KAZN: variants seen among roughly 807,000 people sequenced by gnomAD.
KAZN encodes the protein kazrin, periplakin interacting protein, also known as kazrin.
KAZN carries 40 observed loss-of-function variants against 87.4 expected under a neutral mutation model. That is an observed-to-expected ratio of 0.46 (90% CI 0.36 to 0.60). The LOEUF is 0.60. KAZN is among the 20% of genes least tolerant of loss of function. The pLI is 0.00. For missense variants in KAZN, 898 were observed against 1,073.9 expected (o/e 0.84, Z 2.29); for synonymous variants, 466 against 458.3 (o/e 1.02, Z -0.22).
chr1:15,046,569 T>C (rs1222222957), intron 4 of KAZN, among the ~76,000 whole-genome samples: 1 of 151,950 alleles, frequency 6.6e-6, no homozygotes, highest in Non-Finnish European at 1.5e-5. Flanking sequence ...TTCCAAGAAA[T>C]AAAGCAGGAG....
At chr1:14,565,597 C>T (rs1343947961) in intron 2 of KAZN, among the ~76,000 whole-genome samples, 1 of 152,218 alleles carries the variant, frequency 6.6e-6, no homozygotes, top group Non-Finnish European at 1.5e-5. Flanking sequence ...GCATGCAATG[C>T]TGTTTGCATT....
intron 2 of KAZN, among the ~76,000 whole-genome samples, chr1:14,339,493 G>C (rs968506244): frequency 1.3e-5 from 2 of 152,154 alleles, no homozygotes; most frequent in Admixed American, 1.3e-4. Flanking sequence ...CTTGATGACA[G>C]GGGCTGACAA....
intron 2 of KAZN, among the ~76,000 whole-genome samples, chr1:14,554,916 A>C (rs1465776897): frequency 6.6e-6 from 1 of 152,228 alleles, no homozygotes; most frequent in East Asian, 1.9e-4. Context: ...CTTCTTCAAA[A>C]CACATTTGAT....
intron 1 of KAZN, 44 bp from the exon 2 acceptor site, chr1:14,960,640 G>T: frequency 6.5e-7 from 1 of 1,534,264 alleles, no homozygotes; most frequent in Non-Finnish European, 8.8e-7. Flanking sequence ...CGAGTGAGCG[G>T]CAGAGACGTT....
At chr1:14,473,946 C>T (rs1223942942) in intron 2 of KAZN, among the ~76,000 whole-genome samples, 6 of 152,192 alleles carry the variant, frequency 3.9e-5, no homozygotes, top group African/African-American at 1.4e-4. Flanking sequence ...TCTGAAGTTG[C>T]ACCCTCTTGC....
intron 2 of KAZN, among the ~76,000 whole-genome samples, chr1:14,442,551 T>C (rs981676925): frequency 6.6e-6 from 1 of 152,174 alleles, no homozygotes; most frequent in Non-Finnish European, 1.5e-5. Context: ...AGTAGCTCTG[T>C]GGGGACTCAG....
At chr1:14,030,067 G>C (rs1178710019) in intron 1 of KAZN, among the ~76,000 whole-genome samples, 1 of 151,922 alleles carries the variant, frequency 6.6e-6, no homozygotes, top group Non-Finnish European at 1.5e-5. Context: ...ACCTTGGGCA[G>C]TATGGCCATT....
chr1:14,433,935 C>T (rs1317712420), intron 2 of KAZN, among the ~76,000 whole-genome samples: 1 of 152,224 alleles, frequency 6.6e-6, no homozygotes. Context: ...GGAATGGCCA[C>T]GTGAGGACAC....
intron 2 of KAZN, among the ~76,000 whole-genome samples, chr1:14,540,493 G>A (rs1672745228): frequency 6.6e-6 from 1 of 152,184 alleles, no homozygotes; most frequent in Admixed American, 6.5e-5. Flanking sequence ...CAACCATGGT[G>A]AACAAGAAAA....
At chr1:14,975,924 T>C (rs1043899471) in intron 2 of KAZN, among the ~76,000 whole-genome samples, 2 of 148,756 alleles carry the variant, frequency 1.3e-5, no homozygotes, top group African/African-American at 2.5e-5. Flanking sequence ...CCCAGCTACT[T>C]GGGAGGCTGA....
chr1:13,935,238 A>T lies in KAZN; in HGVS notation c.91+41482A>T, dbSNP rs1319543192. On this transcript the variant is annotated intron_variant, in intron 1 of 16. Transcript: ENST00000636203. Reference sequence around the variant, plus strand: ...GGCAGCAAGAGCGAAACTCCGTATCAAATAGTAGTAGTAGTAATAATAATA... The same window carrying T: ...GGCAGCAAGAGCGAAACTCCGTATCTAATAGTAGTAGTAGTAATAATAATA... Among the ~76,000 whole-genome samples the T allele has an allele frequency of 8.6e-5, 4 of 46,356 alleles. No homozygotes were observed. In the Admixed American group the frequency reaches 8.7e-4, roughly 10 times the overall value. 30.4% of individuals were successfully genotyped at this position (46,356 alleles called of 152,430 possible).
chr1:14,736,303 ATT>A (rs1211603234), intron 1 of KAZN, among the ~76,000 whole-genome samples: 3,594 of 114,774 alleles, frequency 0.031, 163 homozygotes, highest in African/African-American at 0.11. Context: ...GTGTGTGTAT[ATT>A]TTTTTTTTTT....
intron 1 of KAZN, among the ~76,000 whole-genome samples, chr1:13,912,141 A>C (rs1354189984): frequency 6.6e-6 from 1 of 152,206 alleles, no homozygotes; most frequent in Admixed American, 6.5e-5. Flanking sequence ...TCACGATCAA[A>C]GGCAGCTTCC....
At chr1:15,083,233 C>T (rs982280721) in intron 8 of KAZN, among the ~76,000 whole-genome samples, 7 of 152,184 alleles carry the variant, frequency 4.6e-5, no homozygotes, top group African/African-American at 1.7e-4. Flanking sequence ...GCCTGTGCAG[C>T]CCCTTTTAGT....
chr1:14,212,960 A>G (rs928185041), intron 2 of KAZN, among the ~76,000 whole-genome samples: 6 of 152,218 alleles, frequency 3.9e-5, no homozygotes, highest in Non-Finnish European at 8.8e-5. Flanking sequence ...GATTTCTTTA[A>G]TTAATAAATC....
intron 10 of KAZN, among the ~76,000 whole-genome samples, chr1:15,095,193 A>G (rs1197657757): frequency 6.6e-6 from 1 of 152,156 alleles, no homozygotes; most frequent in African/African-American, 2.4e-5. Flanking sequence ...ACCCCCAACC[A>G]ATGCGGGAAC....
chr1:15,103,510 C>CATGCAAATCTAT, intron 12 of KAZN, 50 bp downstream of exon 12: 2 of 1,196,836 alleles, frequency 1.7e-6, no homozygotes. Context: ...ACACAAACCC[C>CATGCAAATCTAT]ATGCAAATCT....
intron 2 of KAZN, among the ~76,000 whole-genome samples, chr1:14,545,076 T>C (rs751052144): frequency 1.0e-3 from 155 of 152,350 alleles, no homozygotes; most frequent in Non-Finnish European, 1.0e-3. Context: ...TAAACATTGA[T>C]ATCAGACATT....
chr1:14,662,964 C>CATATATATATATATATATATATATAT (rs141562526), intron 1 of KAZN, among the ~76,000 whole-genome samples: 2 of 127,962 alleles, frequency 1.6e-5, no homozygotes, highest in East Asian at 4.6e-4. Context: ...TATATGCACA[C>CATATATATATATATATATATATATAT]ATATATATAT....
Sources: allele counts gnomAD v4.1 joint callset (sites outside exome capture counted in the v4.1 genomes callset), GRCh38; gene constraint gnomAD v4.1.1; transcripts MANE v1.5; gene names NCBI Gene and HGNC (gene_info 2026-07-23, HGNC 2026-07-21).